Variants in MIAT observed in about 807,000 individuals in gnomAD.
MIAT encodes myocardial infarction associated transcript, also known as MI related novel mRNA.
intron 3 of MIAT, chr22:26,665,399 C>T (rs781203591): frequency 1.3e-4 from 50 of 398,202 alleles, no homozygotes; most frequent in Non-Finnish European, 1.6e-4. Flanking sequence ...CCCTCTAAGA[C>T]GGTGTCAGCT....
At chr22:26,672,631 G>A (rs1931091261), downstream of MIAT, 2 of 399,056 alleles carry the variant, frequency 5.0e-6, no homozygotes, top group East Asian at 3.6e-5. Flanking sequence ...TAAGTGACGG[G>A]GATAGAAGCT....
At chr22:26,669,154 A>G (rs6005121) in exon 6 of MIAT, 332,902 of 398,564 alleles carry the variant, frequency 0.84, 139,531 homozygotes, top group East Asian at 0.96. Flanking sequence ...CCTCCAGAGG[A>G]GACAGTCCCA....
rs932016637 is a variant in MIAT, at chr22:26,675,057, T to A, written n.8725T>A. 4 of 398,678 alleles carry A rather than the reference T, an allele frequency of 1.0e-5. 1 individual carries two copies. The South Asian group carries it at 5.1e-4, about 51-fold the overall frequency. The allele number at this position is 398,678 out of a possible 1,614,324, so 24.7% of individuals were successfully genotyped here. ...CCAGGCGTGTGCCAGGCATTGGGGA[T>A]GTAGTGGTAGTTAAACACCATTTGG... is the stretch of plus-strand genomic sequence containing the variant. On this transcript the variant is annotated non_coding_transcript_exon_variant, in exon 5 of 5. Coordinates refer to the MIAT transcript ENST00000613780.
chr22:26,670,020 C>A, downstream of MIAT: 1 of 398,202 alleles, frequency 2.5e-6, no homozygotes, highest in South Asian at 1.3e-4. Context: ...AGCAAATGCT[C>A]CCATCCATCT....
At chr22:26,651,292 C>G (rs978022296) in intron 2 of MIAT, among the ~76,000 whole-genome samples, 2 of 152,188 alleles carry the variant, frequency 1.3e-5, no homozygotes, top group South Asian at 2.1e-4. Context: ...GCTCAGGGGA[C>G]AGCTGTCAGA....
chr22:26,666,410 A>G, exon 4 of MIAT: 2 of 398,732 alleles, frequency 5.0e-6, no homozygotes, highest in Non-Finnish European at 8.8e-6. Flanking sequence ...GAGGCTGGGC[A>G]GAAGGGTCCC....
chr22:26,675,947 T>C, exon 5 of MIAT: 1 of 398,314 alleles, frequency 2.5e-6, no homozygotes, highest in East Asian at 3.6e-5. Context: ...ATTCTAAGAG[T>C]GTGTGTGCAT....
chr22:26,653,311 C>T lies in MIAT; in HGVS notation n.646+6000C>T, dbSNP rs74594962. 4.8e-3 allele frequency among the ~76,000 whole-genome samples: 734 copies of T among 152,292 alleles called. 5 individuals carry two copies. Among genetic ancestry groups the T allele is most frequent in the African/African-American group, 0.015 (632 of 41,562 alleles). On this transcript the variant is annotated intron_variant and non_coding_transcript_variant, in intron 2 of 5. Transcript: ENST00000643270. ...AACATGAGGGTCCACTCCTTCCTTG[C>T]GTTACTCAGTTCACGGCTTGTCCCG...
intron 2 of MIAT, among the ~76,000 whole-genome samples, chr22:26,655,226 G>A (rs1448574246): frequency 6.6e-6 from 1 of 152,156 alleles, no homozygotes; most frequent in Non-Finnish European, 1.5e-5. Flanking sequence ...CAATGGTCTT[G>A]GGCTGGGCAC....
intron 2 of MIAT, among the ~76,000 whole-genome samples, chr22:26,659,366 C>G (rs567863579): frequency 6.6e-6 from 1 of 152,100 alleles, no homozygotes; most frequent in Non-Finnish European, 1.5e-5. Context: ...CCCCCATGCC[C>G]GCCTATTTTA....
At chr22:26,661,037 T>G (rs1930644196) in intron 2 of MIAT, among the ~76,000 whole-genome samples, 1 of 152,250 alleles carries the variant, frequency 6.6e-6, no homozygotes, top group African/African-American at 2.4e-5. Context: ...AGTTCACTTA[T>G]GTAGCCCCTG....
chr22:26,664,003 AGCTT>A (rs1930760591), intron 3 of MIAT, among the ~76,000 whole-genome samples: 1 of 96,472 alleles, frequency 1.0e-5, no homozygotes. Flanking sequence ...TTCTGTGTTC[AGCTT>A]TTTTTTTTTT....
chr22:26,671,512 C>T, downstream of MIAT: 1 of 398,710 alleles, frequency 2.5e-6, no homozygotes. Flanking sequence ...CCCGAGCATG[C>T]CCTACTAACC....
downstream of MIAT, chr22:26,669,925 G>T (rs1416035601): frequency 2.5e-6 from 1 of 398,658 alleles, no homozygotes; most frequent in African/African-American, 2.1e-5. Flanking sequence ...CTGTGAAATG[G>T]AAGGAATGTG....
At chr22:26,674,480 C>T (rs1311904889), downstream of MIAT, 4 of 398,662 alleles carry the variant, frequency 1.0e-5, no homozygotes, top group Non-Finnish European at 1.8e-5. Context: ...AGGTCAAAGG[C>T]TGGCTTACAG....
chr22:26,648,287 C>T (rs1277870032), intron 2 of MIAT, among the ~76,000 whole-genome samples: 2 of 152,120 alleles, frequency 1.3e-5, no homozygotes, highest in African/African-American at 4.8e-5. Context: ...CACACTCTGC[C>T]CCGCTTCTCT....
intron 2 of MIAT, among the ~76,000 whole-genome samples, chr22:26,653,981 T>C (rs1602354795): frequency 6.6e-6 from 1 of 152,152 alleles, no homozygotes; most frequent in Non-Finnish European, 1.5e-5. Context: ...CCTCAGGTGA[T>C]CCGCCCACCT....
At chr22:26,671,359 G>A, downstream of MIAT, 2 of 398,900 alleles carry the variant, frequency 5.0e-6, no homozygotes, top group Non-Finnish European at 4.4e-6. Flanking sequence ...TGGTGGGGGC[G>A]GGAGGCCTCT....
At position 26,646,834 on chromosome 22, in the gene MIAT, C is replaced by T. The variant is rs538916464; in HGVS notation, n.383C>T. Reference sequence around the variant, plus strand: ...GGAATAATGAGGGTGGTGTGGGAGTCGGCCTCTGTGTCTGCAGAGAGGACC... The same window carrying T: ...GGAATAATGAGGGTGGTGTGGGAGTTGGCCTCTGTGTCTGCAGAGAGGACC... On this transcript the variant is annotated non_coding_transcript_exon_variant, in exon 1 of 6. Coordinates refer to ENST00000643270, the Ensembl canonical transcript of MIAT. The T allele has an allele frequency of 5.5e-5, 22 of 398,544 alleles. No individual in the cohort carries two copies. The Admixed American group carries it at 6.2e-4, about 11-fold the overall frequency. 24.7% of individuals were successfully genotyped at this position (398,544 alleles called of 1,614,324 possible).
Sources: gnomAD v4.1 joint callset for allele counts (sites outside exome capture counted in the v4.1 genomes callset) on GRCh38, gnomAD v4.1.1 for gene constraint, MANE v1.5 for transcripts, NCBI Gene and HGNC (gene_info 2026-07-23, HGNC 2026-07-21) for gene names.